The following TRAF3IP1 variants were observed in gnomAD, a reference collection of about 807,000 sequenced individuals.
TRAF3IP1 encodes the protein TRAF3-interacting protein 1.
A neutral mutation model predicts 89.9 loss-of-function variants in TRAF3IP1; 53 were observed. That is an observed-to-expected ratio of 0.59 (90% CI 0.47 to 0.74). The LOEUF (loss-of-function observed/expected upper bound fraction) is 0.74, where lower values mean the gene tolerates loss of function less well. Among genes scored for constraint, TRAF3IP1 ranks in the 30% least tolerant of loss-of-function variants. The probability of loss-of-function intolerance (pLI) is 0.00; values close to 1 mark genes in which losing one functional copy is unlikely to be tolerated. For synonymous variants in TRAF3IP1, 311 were observed against 322.1 expected (o/e 0.97, Z 0.37); for missense variants, 806 against 866.1 (o/e 0.93, Z 0.87).
rs1485255998 is a variant in TRAF3IP1, at chr2:238,320,668, C to T, written c.6C>T (p.Asn2=). 1.5e-6 allele frequency: 2 copies of T among 1,378,320 alleles called. No individual in the cohort carries two copies. The highest frequency in any genetic ancestry group is 1.5e-5 in the South Asian group (1 of 66,168). The allele number at this position is 1,378,320 out of a possible 1,614,324, so 85.4% of individuals were successfully genotyped here. A position where few individuals can be genotyped will look rare whatever the true frequency, so the allele number is the denominator to read the frequency against. The change falls in exon 1 of 17, where the codon AAC becomes AAT. Residue 2 remains asparagine, a synonymous_variant. Transcript: ENST00000373327. M[N]AAVVRRTQEA... The stretch of plus-strand genomic sequence containing the variant: ...AGCGGGCGGCGGACGCCGTCATGAA[C>T]GCGGCGGTGGTGAGGCGGACGCAGG...
In TRAF3IP1 at chr2:238,347,448, TC is replaced by T. The variant is rs2106390585; in HGVS notation, c.1262-6del. ...AAAGCTAATTTTCTGATGTGCTTTT[TC>T]TTTAGGTGACTCCACCAGTGATGCA... On this transcript the variant is annotated splice_polypyrimidine_tract_variant and splice_region_variant and intron_variant, in intron 9 of 16. Transcript: ENST00000373327. 4 of 1,614,138 alleles carry T rather than the reference TC, an allele frequency of 2.5e-6. No homozygotes were observed. The highest frequency in any genetic ancestry group is 3.4e-6 in the Non-Finnish European group (4 of 1,180,006).
intron 8 of TRAF3IP1, among the ~76,000 whole-genome samples, chr2:238,341,147 A>G (rs528258005): frequency 6.6e-5 from 10 of 151,686 alleles, no homozygotes; most frequent in Non-Finnish European, 1.0e-4. Context: ...CAGCCTCTTG[A>G]CTAGCTAGGA....
chr2:238,393,596 T>A (rs1308754838), intron 15 of TRAF3IP1, among the ~76,000 whole-genome samples: 18 of 152,354 alleles, frequency 1.2e-4, no homozygotes, highest in African/African-American at 4.3e-4. Flanking sequence ...AAAGACTTTT[T>A]CCTCCTGTGT....
intron 15 of TRAF3IP1, among the ~76,000 whole-genome samples, chr2:238,372,928 T>G (rs993682572): frequency 6.6e-6 from 1 of 152,266 alleles, no homozygotes; most frequent in African/African-American, 2.4e-5. Context: ...CATAGATGTC[T>G]TCTTTTGAGA....
In TRAF3IP1 at chr2:238,351,946, C is replaced by T. The variant is rs913917756; in HGVS notation, c.1452-881C>T. 2.0e-5 allele frequency among the ~76,000 whole-genome samples: 3 copies of T among 151,448 alleles called. No individual in the cohort carries two copies. Among genetic ancestry groups the T allele is most frequent in the African/African-American group, 7.3e-5 (3 of 41,170 alleles). ...GTGTGTGTATGCATGTGCACGCATG[C>T]AGCACTGCGATAACGGGGCAGGGGG... On this transcript the variant is annotated intron_variant, in intron 12 of 16. Coordinates refer to ENST00000373327, the MANE Select transcript of TRAF3IP1 (RefSeq NM_015650.4). This position sits in a 1 kb window ranked among gnomAD's most constrained non-coding sequence, Gnocchi z 5.2.
chr2:238,369,833 T>C (rs1700032579), intron 15 of TRAF3IP1, among the ~76,000 whole-genome samples: 2 of 152,358 alleles, frequency 1.3e-5, no homozygotes, highest in Admixed American at 1.3e-4. Flanking sequence ...CATTTGTTTG[T>C]ATCATTATGG....
chr2:238,334,109 C>G, intron 7 of TRAF3IP1, 74 bp downstream of exon 7: 1 of 1,133,728 alleles, frequency 8.8e-7, no homozygotes, highest in Non-Finnish European at 1.3e-6. Flanking sequence ...ATCTCAATGT[C>G]TAGTAGGAAA....
In TRAF3IP1 at chr2:238,339,776, C is replaced by T. The variant is rs530816729; in HGVS notation, c.1159+1319C>T. On this transcript the variant is annotated intron_variant, in intron 8 of 16. Transcript: ENST00000373327. ...TAACCCGCTTTATCACGGATCACCT[C>T]TGCTGAGCTGCCAGCCCCAGATCAG... Among the ~76,000 whole-genome samples the T allele has an allele frequency of 2.0e-4, 31 of 152,392 alleles. No homozygotes were observed. In the South Asian group the frequency reaches 6.4e-3, roughly 32 times the overall value.
intron 1 of TRAF3IP1, among the ~76,000 whole-genome samples, chr2:238,323,813 C>A (rs1198076148): frequency 2.6e-5 from 4 of 152,136 alleles, no homozygotes; most frequent in African/African-American, 9.7e-5. Context: ...CAAAAAACTG[C>A]AGTCTGAGAC....
At chr2:238,343,429 T>C (rs1698748511) in intron 8 of TRAF3IP1, among the ~76,000 whole-genome samples, 1 of 152,032 alleles carries the variant, frequency 6.6e-6, no homozygotes, top group Admixed American at 6.6e-5. Flanking sequence ...ACATGCAGGC[T>C]GGAGAGTGGT....
At chr2:238,388,070 C>T (rs570041) in intron 15 of TRAF3IP1, among the ~76,000 whole-genome samples, 39,118 of 151,630 alleles carry the variant, frequency 0.26, 6,095 homozygotes, top group Middle Eastern at 0.45. Context: ...GGTGACAGAA[C>T]AAGACTCTGT....
At chr2:238,368,037 C>T (rs1418940777) in intron 15 of TRAF3IP1, among the ~76,000 whole-genome samples, 2 of 151,302 alleles carry the variant, frequency 1.3e-5, no homozygotes, top group African/African-American at 4.8e-5. Context: ...TTTGTCCTTT[C>T]CAAAACATAT....
intron 6 of TRAF3IP1, 45 bp downstream of exon 6, chr2:238,332,940 G>T: frequency 6.9e-7 from 1 of 1,459,206 alleles, no homozygotes; most frequent in South Asian, 1.2e-5. Context: ...ACTTGTAGCT[G>T]TGTTGAAATA....
At chr2:238,324,520 T>C (rs1331898293) in intron 1 of TRAF3IP1, among the ~76,000 whole-genome samples, 2 of 152,212 alleles carry the variant, frequency 1.3e-5, no homozygotes, top group Non-Finnish European at 2.9e-5. Context: ...AGTGTCTCTC[T>C]GGCCTCAGGC....
At position 238,398,917 on chromosome 2, in the gene TRAF3IP1, TGAA is replaced by T. The variant is rs1701361164; in HGVS notation, c.2075_*1del. 6.3e-7 allele frequency: 1 copy of T among 1,596,400 alleles called. No homozygotes were observed. The highest frequency in any genetic ancestry group is 1.4e-5 in the African/African-American group (1 of 73,844). On this transcript the variant is annotated stop_lost and 3_prime_UTR_variant, in exon 17 of 17. Transcript: ENST00000373327. ...TAGTATCAATTTGACTTCGAGAAGG[TGAA>T]CACTCAAAAGTTTCAGAGATGAAAA...
intron 15 of TRAF3IP1, among the ~76,000 whole-genome samples, chr2:238,385,751 T>C (rs1700741210): frequency 6.6e-6 from 1 of 152,208 alleles, no homozygotes; most frequent in South Asian, 2.1e-4. Context: ...TTCTTTCCTT[T>C]TGGTGCAAGG....
intron 15 of TRAF3IP1, among the ~76,000 whole-genome samples, chr2:238,391,432 A>G (rs993833084): frequency 2.0e-5 from 3 of 152,198 alleles, no homozygotes; most frequent in Admixed American, 6.5e-5. Context: ...GTCATCAGAG[A>G]GGTGTGCTTT....
At chr2:238,340,287 A>G (rs1380409151) in intron 8 of TRAF3IP1, among the ~76,000 whole-genome samples, 1 of 152,078 alleles carries the variant, frequency 6.6e-6, no homozygotes, top group African/African-American at 2.4e-5. Context: ...TAATTTCTTC[A>G]TTGAGGGTGC....
intron 14 of TRAF3IP1, among the ~76,000 whole-genome samples, chr2:238,353,503 T>C (rs1403188694): frequency 6.6e-6 from 1 of 152,184 alleles, no homozygotes; most frequent in Non-Finnish European, 1.5e-5. Flanking sequence ...GATTAAATTG[T>C]GGAAGTAGAT....
Sources: allele counts gnomAD v4.1 joint callset (sites outside exome capture counted in the v4.1 genomes callset), GRCh38; gene constraint gnomAD v4.1.1; non-coding constraint Gnocchi (gnomAD v3.1); transcripts MANE v1.5; gene names NCBI Gene and HGNC (gene_info 2026-07-23, HGNC 2026-07-21).